The following SMARCE1 variants were observed in gnomAD, a reference collection of about 807,000 sequenced individuals.
SMARCE1 encodes SWI/SNF related BAF chromatin remodeling complex subunit E1.
In SMARCE1, 13 loss-of-function variants were observed where a neutral mutation model predicts 54.9. The observed-to-expected ratio is 0.24, with a 90% CI of 0.15 to 0.38. The LOEUF (loss-of-function observed/expected upper bound fraction) is 0.38. SMARCE1 is among the 10% of genes least tolerant of loss of function. The pLI is 1.00. For synonymous variants in SMARCE1, 151 were observed against 175.3 expected, an observed-to-expected ratio of 0.86 and a Z score of 1.10; for missense variants, 295 against 523.8, an observed-to-expected ratio of 0.56 and a Z score of 4.26.
At chr17:40,639,296 A>G (rs1394002079) in intron 4 of SMARCE1, among the ~76,000 whole-genome samples, 2 of 152,208 alleles carry the variant, frequency 1.3e-5, no homozygotes, top group Admixed American at 1.3e-4. Flanking sequence ...CTTCACACAT[A>G]AAGTTACTAG....
At chr17:40,645,671 A>G in intron 2 of SMARCE1, 52 bp from the exon 3 acceptor site, 2 of 1,333,020 alleles carry the variant, frequency 1.5e-6, no homozygotes, top group Non-Finnish European at 2.0e-6. Flanking sequence ...ATATAATACT[A>G]TGCAACAAAA....
At chr17:40,630,466 A>T in intron 10 of SMARCE1, 1 of 629,110 alleles carries the variant, frequency 1.6e-6, no homozygotes, top group South Asian at 2.0e-5. Context: ...GCTTACAGGT[A>T]TTACTTTGCA....
At chr17:40,632,559 A>G (rs2143988965) in intron 7 of SMARCE1, 192 bp from the exon 8 acceptor site, 1 of 539,574 alleles carries the variant, frequency 1.9e-6, no homozygotes, top group Non-Finnish European at 3.3e-6. Flanking sequence ...TTCATTGGCC[A>G]AGGTAGTAAT....
intron 10 of SMARCE1, chr17:40,630,187 G>GTTA (rs766238340): frequency 3.5e-6 from 4 of 1,148,702 alleles, no homozygotes; most frequent in Non-Finnish European, 5.1e-6. Context: ...ATTTATACAA[G>GTTA]TTATTATTAT....
rs2037060348 is a variant in SMARCE1 at position 40,628,818 on chromosome 17, T to C, written c.1203A>G (p.Thr401=). The part of the protein sequence containing the change: ...SNSATVEEPP[T]DPIPEDEKKE ...TTTTCTCATCTTCTGGTATGGGATC[T>C]GTTGGTGGCTCCTCCACTGTTGCAC... The change falls in exon 11 of 11, where the codon ACA becomes ACG. Residue 401 remains threonine (T), a synonymous_variant. Coordinates refer to ENST00000348513, the MANE Select transcript of SMARCE1 (RefSeq NM_003079.5). 1.2e-6 allele frequency: 2 copies of C among 1,613,666 alleles called. No homozygotes were observed. The highest frequency in any genetic ancestry group is 2.2e-5 in the South Asian group (2 of 91,074).
chr17:40,642,565 G>A lies in SMARCE1; in HGVS notation c.52-6C>T. 1 of 1,529,562 alleles carries A rather than the reference G, an allele frequency of 6.5e-7. No individual in the cohort carries two copies. The highest frequency in any genetic ancestry group is 9.0e-7 in the Non-Finnish European group (1 of 1,111,068). 94.7% of individuals were successfully genotyped at this position (1,529,562 alleles called of 1,614,324 possible). On this transcript the variant is annotated splice_polypyrimidine_tract_variant and splice_region_variant and intron_variant, in intron 3 of 10. Transcript: ENST00000348513. The surrounding 1 kb of genome is among the most constrained non-coding windows in gnomAD (Gnocchi z 4.6). ...CCTGGTGTGCTGGGCATTTGCTGAT[G>A]GAAACAAATGAGACAAAAACACGAA...
intron 1 of SMARCE1, among the ~76,000 whole-genome samples, chr17:40,646,316 G>C (rs1159226475): frequency 6.6e-6 from 1 of 152,124 alleles, no homozygotes; most frequent in African/African-American, 2.4e-5. Context: ...CAGTGCAAAA[G>C]GTAATTGGTA....
In SMARCE1 at chr17:40,636,419, A is replaced by G. The variant is rs1193712356; in HGVS notation, c.345T>C (p.Tyr115=). The G allele has an allele frequency of 5.0e-6, 8 of 1,611,920 alleles. No homozygotes were observed. The South Asian group carries it at 8.8e-5, about 18-fold the overall frequency. ...CCTTTTCTGCTTCGTATTCGTTTAA[A>G]TATTCTTGTTTTTCTTCATCAGTGA... ...RDLTDEEKQE[Y]LNEYEAEKIE... Residue 115 remains tyrosine, a synonymous_variant, in exon 6 of 11, where the codon TAT becomes TAC. Transcript: ENST00000348513.
chr17:40,630,318 C>T (rs2037079584), intron 10 of SMARCE1: 1 of 965,820 alleles, frequency 1.0e-6, no homozygotes, highest in Non-Finnish European at 1.6e-6. Flanking sequence ...ATATTTTAGA[C>T]TTCGCAGGCC....
At chr17:40,645,773 T>C (rs559232420) in intron 2 of SMARCE1, 23 bp downstream of exon 2, 1 of 1,133,852 alleles carries the variant, frequency 8.8e-7, no homozygotes, top group Non-Finnish European at 1.2e-6. Context: ...CATAGATTGA[T>C]AAATATAAAA....
chr17:40,628,552 T>G lies in SMARCE1; in HGVS notation c.*233A>C. 2.1e-6 allele frequency: 1 copy of G among 476,130 alleles called. No individual in the cohort carries two copies. The highest frequency in any genetic ancestry group is 2.5e-5 in the South Asian group (1 of 39,358). 29.5% of individuals were successfully genotyped at this position (476,130 alleles called of 1,614,324 possible). ...TCTCAATTAATCTAAATTCTGAGGC[T>G]TTCAGCAGTTGAGGGCTAGAAACAA... On this transcript the variant is annotated 3_prime_UTR_variant, in exon 11 of 11. Transcript: ENST00000348513.
intron 7 of SMARCE1, chr17:40,634,422 G>T (rs1037037487): frequency 6.6e-6 from 1 of 152,272 alleles, no homozygotes; most frequent in African/African-American, 2.4e-5. Context: ...CGTGAGCCAT[G>T]GCGCCTGGCA....
chr17:40,639,155 T>C (rs2037173020), intron 4 of SMARCE1, among the ~76,000 whole-genome samples: 1 of 152,146 alleles, frequency 6.6e-6, no homozygotes, highest in Non-Finnish European at 1.5e-5. Flanking sequence ...ATGGAAACTG[T>C]CAAAAGTGGT....
At chr17:40,636,292 T>A (rs1453678062) in intron 6 of SMARCE1, 103 bp downstream of exon 6, 5 of 1,282,520 alleles carry the variant, frequency 3.9e-6, no homozygotes, top group Non-Finnish European at 5.5e-6. Context: ...GCCTCAGTAC[T>A]GCATCAGTGT....
Position 40,636,067 on chromosome 17 carries a change from A to G in SMARCE1, c.405T>C (p.Asn135=), listed in dbSNP as rs888304315. ...EYNESMKAYH[N]SPAYLAYINA... ...TTATGTAAGCAAGGTACGCGGGGGA[A>G]TTATGATAGGCCTTCATAGATTCAT... is the stretch of plus-strand genomic sequence containing the variant. The change falls in exon 7 of 11, where the codon AAT becomes AAC. Residue 135 remains asparagine (N), a synonymous_variant. Coordinates refer to ENST00000348513, the MANE Select transcript of SMARCE1 (RefSeq NM_003079.5). 8 of 1,611,970 alleles carry G rather than the reference A, an allele frequency of 5.0e-6. No individual in the cohort carries two copies. Among genetic ancestry groups the G allele is most frequent in the African/African-American group, 1.3e-5 (1 of 74,798 alleles).
intron 4 of SMARCE1, chr17:40,641,270 T>C (rs1040479592): frequency 1.3e-5 from 2 of 152,230 alleles, no homozygotes; most frequent in Admixed American, 1.3e-4. Flanking sequence ...CACATAAAAA[T>C]TGTATGCATT....
intron 4 of SMARCE1, among the ~76,000 whole-genome samples, chr17:40,639,509 C>A (rs1404491274): frequency 6.6e-6 from 1 of 152,078 alleles, no homozygotes; most frequent in African/African-American, 2.4e-5. Context: ...GTAGTATTTG[C>A]TCTTTGATAT....
intron 8 of SMARCE1, 108 bp downstream of exon 8, chr17:40,632,087 T>G (rs1478766747): frequency 3.4e-6 from 3 of 870,396 alleles, no homozygotes; most frequent in Non-Finnish European, 5.4e-6. Flanking sequence ...CAGGAACAGG[T>G]TAGATTGACA....
At chr17:40,635,827 T>C (rs1407597089) in intron 7 of SMARCE1, 104 bp downstream of exon 7, 8 of 850,788 alleles carry the variant, frequency 9.4e-6, no homozygotes, top group Non-Finnish European at 1.4e-5. Flanking sequence ...AAATTATACT[T>C]TCTTTTCCAT....
Sources: gnomAD v4.1 joint callset for allele counts (sites outside exome capture counted in the v4.1 genomes callset) on GRCh38, gnomAD v4.1.1 for gene constraint, Gnocchi (gnomAD v3.1) non-coding constraint, MANE v1.5 for transcripts, NCBI Gene and HGNC (gene_info 2026-07-23, HGNC 2026-07-21) for gene names.